Variants in NF1 observed in about 807,000 individuals in gnomAD.
NF1 encodes the protein neurofibromin.
A neutral mutation model predicts 325.7 loss-of-function variants in NF1; 122 were observed. That is an observed-to-expected ratio of 0.37 (90% CI 0.32 to 0.44). The LOEUF is 0.44. NF1 is among the 20% of genes least tolerant of loss of function. The probability of loss-of-function intolerance (pLI) is 1.00; values close to 1 mark genes in which losing one functional copy is unlikely to be tolerated. For missense variants in NF1, 2,140 were observed against 3,415.4 expected (o/e 0.63, Z 9.31); for synonymous variants, 1,091 against 1,186.0 (o/e 0.92, Z 1.65).
At chr17:31,371,807 A>T (rs1221991377) in intron 57 of NF1, among the ~76,000 whole-genome samples, 1 of 152,230 alleles carries the variant, frequency 6.6e-6, no homozygotes, top group Non-Finnish European at 1.5e-5. Context: ...ACATGTTCAT[A>T]AACAGTCACT....
At chr17:31,347,261 C>G (rs1345388337) in intron 48 of NF1, among the ~76,000 whole-genome samples, 1 of 150,590 alleles carries the variant, frequency 6.6e-6, no homozygotes, top group Middle Eastern at 3.4e-3. Context: ...TGTTTCACTC[C>G]TATGAGTGAC....
rs768493068 is a variant in NF1 at position 31,233,131 on chromosome 17, T to C, written c.3626T>C (p.Val1209Ala). The change falls in exon 27 of 58, where the codon GTG (valine) becomes GCG (alanine). Residue 1209 changes from valine to alanine, a missense_variant. Transcript: ENST00000358273. Reference sequence around the variant, plus strand: ...TTGGCTGATCGGTTTGAGAGATTGGTGGAACTGGTCACAATGATGGGTGAT... The same window carrying C: ...TTGGCTGATCGGTTTGAGAGATTGGCGGAACTGGTCACAATGATGGGTGAT... ...TVLADRFERL[V>A]ELVTMMGDQG... 6.2e-7 allele frequency: 1 copy of C among 1,614,184 alleles called. No homozygotes were observed. The highest frequency in any genetic ancestry group is 1.1e-5 in the South Asian group (1 of 91,078).
intron 4 of NF1, among the ~76,000 whole-genome samples, chr17:31,164,577 G>T (rs2065815428): frequency 6.6e-6 from 1 of 152,204 alleles, no homozygotes; most frequent in East Asian, 1.9e-4. Flanking sequence ...GCTCGTCAGT[G>T]TTGTACGAAC....
intron 56 of NF1, 111 bp downstream of exon 56, chr17:31,359,126 A>G: frequency 2.2e-6 from 2 of 889,940 alleles, no homozygotes; most frequent in East Asian, 2.5e-5. Flanking sequence ...AATAATTCAC[A>G]ATAAACACAT....
intron 36 of NF1, among the ~76,000 whole-genome samples, chr17:31,289,639 A>G (rs2068308833): frequency 6.6e-6 from 1 of 152,106 alleles, no homozygotes; most frequent in Admixed American, 6.5e-5. Flanking sequence ...CACTTTAAAA[A>G]ACTCTTCATA....
Position 31,296,552 on chromosome 17 carries a change from C to CCTA in NF1, c.4836-29265_4836-29263dup. 3 of 550,938 alleles carry CCTA rather than the reference C, an allele frequency of 5.4e-6. No homozygotes were observed. The Admixed American group carries it at 9.0e-5, about 17-fold the overall frequency. The allele number at this position is 550,938 out of a possible 1,614,324, so 34.1% of individuals were successfully genotyped here. A position where few individuals can be genotyped will look rare whatever the true frequency, so the allele number is the denominator to read the frequency against. Reference sequence around the variant, plus strand: ...CTATGTGGTAGAGAGAGACTCTCTCCCTACTCTCTCCTGCATTTTCTCCTT... The same window carrying CCTA: ...CTATGTGGTAGAGAGAGACTCTCTCCCTACTACTCTCTCCTGCATTTTCTCCTT... On this transcript the variant is annotated intron_variant, in intron 36 of 57. Transcript: ENST00000358273.
intron 8 of NF1, among the ~76,000 whole-genome samples, chr17:31,191,344 A>G (rs780943268): frequency 1.8e-4 from 27 of 152,242 alleles, no homozygotes; most frequent in Non-Finnish European, 3.1e-4. Flanking sequence ...TCGAGTATAC[A>G]TATTATTTAT....
chr17:31,277,870 C>A (rs1448750413), intron 36 of NF1, among the ~76,000 whole-genome samples: 1 of 152,176 alleles, frequency 6.6e-6, no homozygotes, highest in Non-Finnish European at 1.5e-5. Flanking sequence ...TAAAACCTGC[C>A]TTCTCCTTTA....
At chr17:31,139,557 T>C (rs1168934674) in intron 1 of NF1, among the ~76,000 whole-genome samples, 3 of 152,204 alleles carry the variant, frequency 2.0e-5, no homozygotes, top group African/African-American at 7.2e-5. Flanking sequence ...TACTCTTAAA[T>C]GTGAGATAAT....
intron 11 of NF1, among the ~76,000 whole-genome samples, chr17:31,204,277 A>G (rs903539149): frequency 4.6e-5 from 7 of 152,294 alleles, no homozygotes; most frequent in Middle Eastern, 6.8e-3. Context: ...CACATACTGA[A>G]AATGAGATGA....
intron 14 of NF1, 60 bp from the exon 15 acceptor site, chr17:31,221,790 G>A (rs1474585841): frequency 3.3e-6 from 4 of 1,225,048 alleles, no homozygotes; most frequent in Non-Finnish European, 3.6e-6. Flanking sequence ...CCAGTGTTAT[G>A]TTTACCAAAA....
intron 2 of NF1, 64 bp downstream of exon 2, chr17:31,156,190 A>G: frequency 6.4e-7 from 1 of 1,563,684 alleles, no homozygotes; most frequent in East Asian, 2.2e-5. Context: ...TAAAAAGTTT[A>G]GAACAGCATA....
intron 51 of NF1, among the ~76,000 whole-genome samples, chr17:31,353,107 C>T (rs1423029897): frequency 6.6e-6 from 1 of 152,110 alleles, no homozygotes; most frequent in Non-Finnish European, 1.5e-5. Context: ...CAGAGTTTCA[C>T]CATGTTGGCC....
At chr17:31,211,776 G>A (rs2066731733) in intron 12 of NF1, among the ~76,000 whole-genome samples, 1 of 152,178 alleles carries the variant, frequency 6.6e-6, no homozygotes, top group Non-Finnish European at 1.5e-5. Context: ...TAACACAAAT[G>A]GAGTTTGCAG....
intron 36 of NF1, among the ~76,000 whole-genome samples, chr17:31,298,167 G>T (rs1391149032): frequency 6.6e-6 from 1 of 152,062 alleles, no homozygotes; most frequent in East Asian, 1.9e-4. Context: ...TGGGAAAGTA[G>T]TTTATAGTTT....
chr17:31,113,737 T>A (rs1228376212), intron 1 of NF1, among the ~76,000 whole-genome samples: 1 of 152,170 alleles, frequency 6.6e-6, no homozygotes, highest in Admixed American at 6.5e-5. Context: ...GCCAGGCTGG[T>A]CTCAAACTCC....
intron 4 of NF1, among the ~76,000 whole-genome samples, chr17:31,165,608 C>CA (rs773392633): frequency 4.6e-5 from 7 of 152,164 alleles, no homozygotes; most frequent in African/African-American, 7.2e-5. Flanking sequence ...TTCTCCCCGT[C>CA]AATGTTTCTC....
At chr17:31,373,620 T>C (rs1413992703) in intron 57 of NF1, among the ~76,000 whole-genome samples, 1 of 152,234 alleles carries the variant, frequency 6.6e-6, no homozygotes, top group African/African-American at 2.4e-5. Flanking sequence ...ATCACAAATA[T>C]AGTCATGTGC....
rs771012891 is a variant in NF1 at position 31,229,283 on chromosome 17, C to T, written c.2668C>T (p.Pro890Ser). The change falls in exon 21 of 58, where the codon CCT becomes TCT. Residue 890 changes from proline to serine, a missense_variant. Pro to Ser is a moderately conservative substitution (Grantham distance 74, BLOSUM62 -1). This residue lies in a region of NF1 where 380 missense variants were observed against 639.3 expected (regional missense o/e 0.59). Transcript: ENST00000358273. ...VMSSEGNADTPVSKFMDRLLS... is the reference protein window; with the variant it reads ...VMSSEGNADTSVSKFMDRLLS... ...GTCTTCAGAGGGAAACGCAGATACA[C>T]CTGTCAGCAAATTTATGGATCGGCT... The T allele has an allele frequency of 6.2e-7, 1 of 1,613,808 alleles. No homozygotes were observed. Among genetic ancestry groups the T allele is most frequent in the Non-Finnish European group, 8.5e-7 (1 of 1,179,828 alleles).
Sources: allele counts gnomAD v4.1 joint callset (sites outside exome capture counted in the v4.1 genomes callset), GRCh38; gene constraint gnomAD v4.1.1; regional missense constraint gnomAD v4.1.1; transcripts MANE v1.5; gene names NCBI Gene and HGNC (gene_info 2026-07-23, HGNC 2026-07-21).